Variants in BCL2L15 observed in about 807,000 individuals in gnomAD.
The protein encoded by BCL2L15 is BCL2 like 15, also known as bcl-2-like protein 15.
BCL2L15 carries 15 observed loss-of-function variants against 18.3 expected under a neutral mutation model. That is an observed-to-expected ratio of 0.82 (90% CI 0.55 to 1.26). BCL2L15 has a LOEUF of 1.26. BCL2L15 is among the 50% of genes most tolerant of loss of function. The pLI is 0.00. For synonymous variants in BCL2L15, 58 were observed against 68.5 expected (o/e 0.85, Z 0.76); for missense variants, 180 against 201.7 (o/e 0.89, Z 0.65).
chr1:113,881,036 T>G lies in BCL2L15; in HGVS notation c.*87A>C. The stretch of plus-strand genomic sequence containing the variant: ...CTGATAAAATGAAAAAAGTGCTTTT[T>G]TATTTGTTTGTTTGAATTCCCAGGA... On this transcript the variant is annotated 3_prime_UTR_variant, in exon 4 of 4. Coordinates refer to ENST00000393316, the MANE Select transcript of BCL2L15 (RefSeq NM_001010922.3). The G allele has an allele frequency of 6.3e-7, 1 of 1,597,270 alleles. No homozygotes were observed. The highest frequency in any genetic ancestry group is 8.6e-7 in the Non-Finnish European group (1 of 1,166,812).
chr1:113,886,709 C>T (rs1359058566), intron 1 of BCL2L15, 51 bp from the exon 2 acceptor site: 2 of 1,536,704 alleles, frequency 1.3e-6, no homozygotes, highest in African/African-American at 2.8e-5. Flanking sequence ...ATGGCAAGTC[C>T]CAGGAATCTG....
At position 113,887,571 on chromosome 1, in the gene BCL2L15, T is replaced by C; in HGVS notation, c.-196A>G. ...GGTGGGACTTCTCAGAAGGATTACC[T>C]ACTTGGAACTGGGGAGACTTTAAAG... On this transcript the variant is annotated 5_prime_UTR_variant, in exon 1 of 4. Coordinates refer to ENST00000393316, the MANE Select transcript of BCL2L15 (RefSeq NM_001010922.3). 1 of 616,940 alleles carries C rather than the reference T, an allele frequency of 1.6e-6. No homozygotes were observed. The highest frequency in any genetic ancestry group is 2.7e-6 in the Non-Finnish European group (1 of 364,196). 38.2% of individuals were successfully genotyped at this position (616,940 alleles called of 1,614,324 possible).
In BCL2L15 at chr1:113,882,009, C is replaced by G. The variant is rs544196132; in HGVS notation, c.250-12G>C. 6.2e-7 allele frequency: 1 copy of G among 1,607,038 alleles called. No individual in the cohort carries two copies. The highest frequency in any genetic ancestry group is 1.3e-5 in the African/African-American group (1 of 74,904). ...AGTATAGCTCCTGTCTGAGGAAAGA[C>G]AAAGGAAACATCAACAGAGTATCAC... On this transcript the variant is annotated splice_polypyrimidine_tract_variant and intron_variant, in intron 2 of 3. Coordinates refer to ENST00000393316, the MANE Select transcript of BCL2L15 (RefSeq NM_001010922.3).
At chr1:113,882,141 G>A in intron 2 of BCL2L15, 144 bp from the exon 3 acceptor site, 1 of 601,594 alleles carries the variant, frequency 1.7e-6, no homozygotes, top group Admixed American at 3.0e-5. Flanking sequence ...GAGAGTAGAT[G>A]AATAATCTTT....
Position 113,886,554 on chromosome 1 carries a change from C to G in BCL2L15, c.232G>C (p.Glu78Gln). ...AACTTGACCTGTCCCTTAATGGTTT[C>G]TGCAATGACGTTTTTGGCAGAAGCT... ...LEASAKNVIA[E>Q]TIKGQTGAIL... Residue 78 changes from glutamate (E) to glutamine (Q), a missense_variant, in exon 2 of 4, where the codon GAA (glutamate) becomes CAA (glutamine). Physicochemically the swap from Glu to Gln is conservative, Grantham distance 29. Coordinates refer to ENST00000393316, the MANE Select transcript of BCL2L15 (RefSeq NM_001010922.3). 6.2e-7 allele frequency: 1 copy of G among 1,613,230 alleles called. No individual in the cohort carries two copies. Among genetic ancestry groups the G allele is most frequent in the Non-Finnish European group, 8.5e-7 (1 of 1,179,808 alleles).
At chr1:113,882,202 A>C (rs1051774323) in intron 2 of BCL2L15, among the ~76,000 whole-genome samples, 1 of 152,240 alleles carries the variant, frequency 6.6e-6, no homozygotes, top group African/African-American at 2.4e-5. Flanking sequence ...ATACATAAGT[A>C]GTCCATCAAA....
intron 2 of BCL2L15, among the ~76,000 whole-genome samples, chr1:113,884,078 CAT>C (rs1174726933): frequency 6.6e-6 from 1 of 152,164 alleles, no homozygotes; most frequent in Non-Finnish European, 1.5e-5. Flanking sequence ...GGGATATTTA[CAT>C]AGTTTCAAAG....
rs1667076931 is a variant in BCL2L15 at position 113,887,542 on chromosome 1, G to A, written c.-167C>T. On this transcript the variant is annotated 5_prime_UTR_variant, in exon 1 of 4. Coordinates refer to ENST00000393316, the MANE Select transcript of BCL2L15 (RefSeq NM_001010922.3). Reference sequence around the variant, plus strand: ...AGCTTTCTTCAAACACAGCTGCTCAGAAAGGTGGGACTTCTCAGAAGGATT... The same window carrying A: ...AGCTTTCTTCAAACACAGCTGCTCAAAAAGGTGGGACTTCTCAGAAGGATT... 8 of 852,406 alleles carry A rather than the reference G, an allele frequency of 9.4e-6. No homozygotes were observed. Among genetic ancestry groups the A allele is most frequent in the Non-Finnish European group, 1.4e-5 (8 of 557,618 alleles). 52.8% of individuals were successfully genotyped at this position (852,406 alleles called of 1,614,324 possible).
In BCL2L15 at chr1:113,887,354, CAA is replaced by C. The variant is rs1221674163; in HGVS notation, c.20_21del (p.Phe7Ter). On this transcript the variant is annotated frameshift_variant, in exon 1 of 4. Coordinates refer to ENST00000393316, the MANE Select transcript of BCL2L15 (RefSeq NM_001010922.3). LOFTEE classifies it high-confidence loss of function. MKSSQT[F>X]EEQTECIVNT... ...TTCACAATGCATTCCGTTTGTTCCT[CAA>C]AAGTTTGGGAGCTCTTCATTTTAGA... The C allele has an allele frequency of 3.1e-6, 5 of 1,614,156 alleles. No individual in the cohort carries two copies. The Admixed American group carries it at 8.3e-5, about 27-fold the overall frequency.
Position 113,881,815 on chromosome 1 carries a change from C to T in BCL2L15, c.432G>A (p.Gly144=). The T allele has an allele frequency of 1.2e-6, 2 of 1,614,200 alleles. No homozygotes were observed. Among genetic ancestry groups the T allele is most frequent in the African/African-American group, 1.3e-5 (1 of 75,044 alleles). The part of the protein sequence containing the change: ...VAIPMTGMIN[G]NQAIREFIQG... ...GGATGAACTCCCGGATGGCTTGGTT[C>T]CCATTGATCATACCCGTCATGGGGA... is the stretch of plus-strand genomic sequence containing the variant. The change falls in exon 3 of 4, where the codon GGG becomes GGA. Residue 144 remains glycine (G), a synonymous_variant. Transcript: ENST00000393316.
chr1:113,881,773 C>G lies in BCL2L15; in HGVS notation c.474G>C (p.Trp158Cys), dbSNP rs763257123. Residue 158 changes from tryptophan to cysteine, a missense_variant and splice_region_variant, in exon 3 of 4, where the codon TGG (tryptophan) becomes TGC (cysteine). Transcript: ENST00000393316. The stretch of plus-strand genomic sequence containing the variant: ...AAACCAGGAGCCCCAACAAACTTAC[C>G]CAACCTCCCTGGCCCTGGATGAACT... ...IREFIQGQGG[W>C]ENLES 5.6e-6 allele frequency: 9 copies of G among 1,612,696 alleles called. No individual in the cohort carries two copies.
In BCL2L15 at chr1:113,883,661, G is replaced by A. The variant is rs917222916; in HGVS notation, c.250-1664C>T. On this transcript the variant is annotated intron_variant, in intron 2 of 3. Transcript: ENST00000393316. Reference sequence around the variant, plus strand: ...TAGCCAGGCGTGGCAGTGTGTGCCTGTAGTCCCAGCTACTCAGGAGGCTGA... The same window carrying A: ...TAGCCAGGCGTGGCAGTGTGTGCCTATAGTCCCAGCTACTCAGGAGGCTGA... 3.9e-5 allele frequency among the ~76,000 whole-genome samples: 6 copies of A among 151,926 alleles called. No individual in the cohort carries two copies. The South Asian group carries it at 1.2e-3, about 32-fold the overall frequency.
Position 113,879,691 on chromosome 1 carries a change from C to T in BCL2L15, c.*1432G>A, listed in dbSNP as rs924797666. 1 of 152,154 alleles carries T rather than the reference C, an allele frequency of 6.6e-6. No individual in the cohort carries two copies. 9.4% of individuals were successfully genotyped at this position (152,154 alleles called of 1,614,324 possible). On this transcript the variant is annotated 3_prime_UTR_variant, in exon 4 of 4. Transcript: ENST00000393316. ...AGAAATGTTGATTTAGAGAAGGGGT[C>T]AGCCAACTTTTTCTGTAAAGGGCCA... is the stretch of plus-strand genomic sequence containing the variant.
Position 113,879,414 on chromosome 1 carries a change from T to C in BCL2L15, c.*1709A>G, listed in dbSNP as rs1338271971. On this transcript the variant is annotated 3_prime_UTR_variant, in exon 4 of 4. Transcript: ENST00000393316. Reference sequence around the variant, plus strand: ...TAGATCATTAAGGACTATTTTGAGATACAAGATCATACAAATCATAAGCTT... The same window carrying C: ...TAGATCATTAAGGACTATTTTGAGACACAAGATCATACAAATCATAAGCTT... The C allele has an allele frequency of 6.6e-6, 1 of 152,356 alleles. No homozygotes were observed. Among genetic ancestry groups the C allele is most frequent in the East Asian group, 1.9e-4 (1 of 5,338 alleles). The allele number at this position is 152,356 out of a possible 1,614,324, so 9.4% of individuals were successfully genotyped here.
chr1:113,880,889 T>C lies in BCL2L15; in HGVS notation c.*234A>G, dbSNP rs1408518413. The C allele has an allele frequency of 5.2e-6, 3 of 572,230 alleles. No individual in the cohort carries two copies. In the African/African-American group the frequency reaches 5.9e-5, roughly 11 times the overall value. The allele number at this position is 572,230 out of a possible 1,614,324, so 35.4% of individuals were successfully genotyped here. On this transcript the variant is annotated 3_prime_UTR_variant, in exon 4 of 4. Transcript: ENST00000393316. ...TCATGTGAAAACAGAAAGTAGAAAATCTCTGTGGTTTGCATTAAGTTGACA... is the reference window on the plus strand; with the variant it reads ...TCATGTGAAAACAGAAAGTAGAAAACCTCTGTGGTTTGCATTAAGTTGACA...
In BCL2L15 at chr1:113,881,798, TCC is replaced by T. The variant is rs1191035990; in HGVS notation, c.447_448del (p.Glu150ValfsTer23). 2 of 1,614,128 alleles carry T rather than the reference TCC, an allele frequency of 1.2e-6. No individual in the cohort carries two copies. The highest frequency in any genetic ancestry group is 1.7e-6 in the Non-Finnish European group (2 of 1,179,996). On this transcript the variant is annotated frameshift_variant, in exon 3 of 4. Transcript: ENST00000393316. LOFTEE classifies it high-confidence loss of function. ...CCAACCTCCCTGGCCCTGGATGAAC[TCC>T]CGGATGGCTTGGTTCCCATTGATCA...
At position 113,886,626 on chromosome 1, in the gene BCL2L15, C is replaced by T. The variant is rs78559267; in HGVS notation, c.160G>A (p.Ala54Thr). The T allele has an allele frequency of 6.2e-7, 1 of 1,611,886 alleles. No individual in the cohort carries two copies. ...TCACCCAACATCCGAAGGCGACCAG[C>T]AATGATAGCCACATCAAAAGAACAA... Reference protein sequence around the residue: ...EPCSFDVAIIAGRLRMLGDQF... With the variant: ...EPCSFDVAIITGRLRMLGDQF... Residue 54 changes from alanine to threonine, a missense_variant, in exon 2 of 4, where the codon GCT (alanine) becomes ACT (threonine). By Grantham distance (58) the Ala-to-Thr change is moderately conservative. Transcript: ENST00000393316.
In BCL2L15 at chr1:113,886,575, A is replaced by G; in HGVS notation, c.211T>C (p.Ser71Pro). The stretch of plus-strand genomic sequence containing the variant: ...GTTTCTGCAATGACGTTTTTGGCAG[A>G]AGCTTCCAATTCTCCGTTGAACTGG... ...GDQFNGELEA[S>P]AKNVIAETIK... The change falls in exon 2 of 4, where the codon TCT becomes CCT. Residue 71 changes from serine to proline, a missense_variant. Physicochemically the swap from Ser to Pro is moderately conservative, Grantham distance 74 (BLOSUM62 -1). Transcript: ENST00000393316. The G allele has an allele frequency of 6.2e-7, 1 of 1,613,894 alleles. No individual in the cohort carries two copies.
Position 113,877,154 on chromosome 1 carries a change from G to C in BCL2L15, c.*3969C>G, listed in dbSNP as rs929413476. ...CAGAAAAAGGAATATGAAACATAGG[G>C]AACAGTAGGAGGAGGGCAGCTTTAG... On this transcript the variant is annotated 3_prime_UTR_variant, in exon 4 of 4. Coordinates refer to ENST00000393316, the MANE Select transcript of BCL2L15 (RefSeq NM_001010922.3). 2.0e-5 allele frequency among the ~76,000 whole-genome samples: 3 copies of C among 152,024 alleles called. No homozygotes were observed. Among genetic ancestry groups the C allele is most frequent in the Non-Finnish European group, 2.9e-5 (2 of 68,008 alleles).
Sources: gnomAD v4.1 joint callset for allele counts (sites outside exome capture counted in the v4.1 genomes callset) on GRCh38, gnomAD v4.1.1 for gene constraint, MANE v1.5 for transcripts, NCBI Gene and HGNC (gene_info 2026-07-23, HGNC 2026-07-21) for gene names.